CCDC6: variants seen among roughly 807,000 people sequenced by gnomAD.
CCDC6 encodes coiled-coil domain-containing protein 6.
CCDC6 carries 20 observed loss-of-function variants against 56.6 expected under a neutral mutation model. The ratio of observed to expected loss-of-function variants is 0.35; its 90% CI spans 0.25 to 0.51. The LOEUF (loss-of-function observed/expected upper bound fraction) is 0.51, where lower values mean the gene tolerates loss of function less well. Among genes scored for constraint, CCDC6 ranks in the 20% least tolerant of loss-of-function variants. CCDC6 has a pLI of 0.95. For synonymous variants in CCDC6, 241 were observed against 234.4 expected (o/e 1.03, Z -0.26); for missense variants, 367 against 601.1 (o/e 0.61, Z 4.07).
intron 1 of CCDC6, among the ~76,000 whole-genome samples, chr10:59,863,013 C>T (rs76051755): frequency 0.023 from 3,565 of 151,886 alleles, 134 homozygotes; most frequent in African/African-American, 0.08. Context: ...TATATTCACA[C>T]AGAAAATTAA....
intron 2 of CCDC6, among the ~76,000 whole-genome samples, chr10:59,833,762 A>C (rs907848624): frequency 3.3e-5 from 5 of 152,140 alleles, no homozygotes; most frequent in Non-Finnish European, 7.4e-5. Context: ...TTGGCTGAAT[A>C]GGACACTGCT....
chr10:59,879,368 A>G (rs1383522781), intron 1 of CCDC6, among the ~76,000 whole-genome samples: 1 of 152,196 alleles, frequency 6.6e-6, no homozygotes, highest in Non-Finnish European at 1.5e-5. Flanking sequence ...AGAGTCTAGA[A>G]ATTTTTCTTG....
intron 7 of CCDC6, among the ~76,000 whole-genome samples, chr10:59,800,109 G>C (rs1321013495): frequency 6.6e-6 from 1 of 152,152 alleles, no homozygotes; most frequent in Non-Finnish European, 1.5e-5. Context: ...ACAAGAAATT[G>C]CAAGAATATT....
chr10:59,906,429 G>T lies in CCDC6; in HGVS notation c.-5C>A. 6.6e-7 allele frequency: 1 copy of T among 1,512,362 alleles called. No homozygotes were observed. Among genetic ancestry groups the T allele is most frequent in the Non-Finnish European group, 8.7e-7 (1 of 1,145,964 alleles). The allele number at this position is 1,512,362 out of a possible 1,614,324, so 93.7% of individuals were successfully genotyped here. A position where few individuals can be genotyped will look rare whatever the true frequency, so the allele number is the denominator to read the frequency against. On this transcript the variant is annotated 5_prime_UTR_variant, in exon 1 of 9. Transcript: ENST00000263102. ...CTCGCTGGCGCTGTCCGCCATGGCC[G>T]CGGCGGGCTGGGGAAAGGAGGAGGA...
At position 59,827,876 on chromosome 10, in the gene CCDC6, C is replaced by T. The variant is rs553061027; in HGVS notation, c.582+4649G>A. 3.6e-4 allele frequency among the ~76,000 whole-genome samples: 55 copies of T among 152,300 alleles called. No homozygotes were observed. The Middle Eastern group carries it at 0.01, about 28-fold the overall frequency. The stretch of plus-strand genomic sequence containing the variant: ...TTAGCTGAATTAGATGACTAACCCT[C>T]CACGGATATAGTGCCCTATTTTTCT... On this transcript the variant is annotated intron_variant, in intron 3 of 8. Transcript: ENST00000263102.
chr10:59,869,496 T>C (rs1369611322), intron 1 of CCDC6, among the ~76,000 whole-genome samples: 1 of 151,626 alleles, frequency 6.6e-6, no homozygotes, highest in Non-Finnish European at 1.5e-5. Flanking sequence ...CTTGGTTTTC[T>C]TTCCCTCACT....
intron 7 of CCDC6, among the ~76,000 whole-genome samples, chr10:59,797,588 C>CAAAAAAAAAAAAAAAAAAAAAAAAAAA (rs10561094): frequency 6.3e-5 from 2 of 31,596 alleles, no homozygotes; most frequent in African/African-American, 1.6e-4. Flanking sequence ...AACCTCCTAG[C>CAAAAAAAAAAAAAAAAAAAAAAAAAAA]AAAAAAAAAA....
chr10:59,853,978 A>C (rs1189603455), intron 1 of CCDC6, among the ~76,000 whole-genome samples: 3 of 152,222 alleles, frequency 2.0e-5, no homozygotes, highest in African/African-American at 7.2e-5. Context: ...TGTTTCAAAC[A>C]AACTCAACTC....
intron 3 of CCDC6, among the ~76,000 whole-genome samples, chr10:59,820,724 G>A (rs978987472): frequency 1.3e-5 from 2 of 151,716 alleles, no homozygotes; most frequent in African/African-American, 4.8e-5. Context: ...CTCCAGCCTG[G>A]GTGTCAGAGC....
rs1053914494 is a variant in CCDC6, at chr10:59,789,836, T to A, written c.*3081A>T. 1 of 218,602 alleles carries A rather than the reference T, an allele frequency of 4.6e-6. No individual in the cohort carries two copies. The highest frequency in any genetic ancestry group is 2.2e-5 in the African/African-American group (1 of 44,584). 13.5% of individuals were successfully genotyped at this position (218,602 alleles called of 1,614,324 possible). A position where few individuals can be genotyped will look rare whatever the true frequency, so the allele number is the denominator to read the frequency against. On this transcript the variant is annotated 3_prime_UTR_variant, in exon 9 of 9. Coordinates refer to ENST00000263102, the MANE Select transcript of CCDC6 (RefSeq NM_005436.5). ...TGTCTACCTAACAAAGGGTGATACATGTTCTATTTTCCTACAAGTGAACAA... is the reference window on the plus strand; with the variant it reads ...TGTCTACCTAACAAAGGGTGATACAAGTTCTATTTTCCTACAAGTGAACAA...
chr10:59,840,360 T>C (rs2070927173), intron 2 of CCDC6, among the ~76,000 whole-genome samples: 1 of 152,230 alleles, frequency 6.6e-6, no homozygotes, highest in South Asian at 2.1e-4. Context: ...TTGCCATTTT[T>C]CCTCTGGGTT....
At chr10:59,819,958 T>C (rs1589040069) in intron 3 of CCDC6, among the ~76,000 whole-genome samples, 1 of 152,250 alleles carries the variant, frequency 6.6e-6, no homozygotes, top group African/African-American at 2.4e-5. Context: ...TTACTCCTCT[T>C]GAGTAGCTCT....
chr10:59,883,231 A>T (rs193164362), intron 1 of CCDC6, among the ~76,000 whole-genome samples: 1 of 152,188 alleles, frequency 6.6e-6, no homozygotes, highest in Non-Finnish European at 1.5e-5. Flanking sequence ...AGCAGACAAC[A>T]CTGTCAGTTA....
chr10:59,891,181 C>T (rs2071419949), intron 1 of CCDC6, among the ~76,000 whole-genome samples: 1 of 152,108 alleles, frequency 6.6e-6, no homozygotes, highest in South Asian at 2.1e-4. Context: ...TGTTTATTTC[C>T]AATTGAAATA....
chr10:59,832,090 G>A (rs1432232664), intron 3 of CCDC6, among the ~76,000 whole-genome samples: 1 of 152,228 alleles, frequency 6.6e-6, no homozygotes, highest in Non-Finnish European at 1.5e-5. Context: ...ACTGGGAGAA[G>A]AGAAGGCTCA....
At chr10:59,847,808 CCTTTTAGA>C (rs1474271302) in intron 2 of CCDC6, among the ~76,000 whole-genome samples, 2 of 146,260 alleles carry the variant, frequency 1.4e-5, no homozygotes, top group Non-Finnish European at 3.0e-5. Flanking sequence ...TGGAGAATAG[CCTTTTAGA>C]CTTTTTTTTT....
intron 8 of CCDC6, 93 bp from the exon 9 acceptor site, chr10:59,793,204 C>A: frequency 1.1e-6 from 1 of 912,512 alleles, no homozygotes; most frequent in Non-Finnish European, 1.7e-6. Flanking sequence ...GCTAATCAAA[C>A]ACTAACCAAC....
chr10:59,846,670 C>T (rs2070995099), intron 2 of CCDC6, among the ~76,000 whole-genome samples: 1 of 152,120 alleles, frequency 6.6e-6, no homozygotes, highest in South Asian at 2.1e-4. Flanking sequence ...GAATCAGATC[C>T]TATTTCAAAT....
chr10:59,859,190 A>ATG (rs370903379), intron 1 of CCDC6, among the ~76,000 whole-genome samples: 975 of 84,020 alleles, frequency 0.012, 5 homozygotes, highest in Non-Finnish European at 0.015. Flanking sequence ...AAAAAAATAC[A>ATG]TGTGTGTGCG....
Sources: allele counts gnomAD v4.1 joint callset (sites outside exome capture counted in the v4.1 genomes callset), GRCh38; gene constraint gnomAD v4.1.1; transcripts MANE v1.5; gene names NCBI Gene and HGNC (gene_info 2026-07-23, HGNC 2026-07-21).